LRRC4C: variants seen among roughly 807,000 people sequenced by gnomAD.
The protein encoded by LRRC4C is leucine rich repeat containing 4C.
A neutral mutation model predicts 33.6 loss-of-function variants in LRRC4C; 5 were observed. That is an observed-to-expected ratio of 0.15 (90% CI 0.08 to 0.31). The LOEUF (loss-of-function observed/expected upper bound fraction) is 0.31, where lower values mean the gene tolerates loss of function less well. LRRC4C is among the 10% of genes least tolerant of loss of function. LRRC4C has a pLI of 1.00. For synonymous variants in LRRC4C, 329 were observed against 302.0 expected, an observed-to-expected ratio of 1.09 and a Z score of -0.93; for missense variants, 560 against 796.7, an observed-to-expected ratio of 0.70 and a Z score of 3.58.
intron 2 of LRRC4C, among the ~76,000 whole-genome samples, chr11:40,901,925 T>G (rs2136194604): frequency 6.6e-6 from 1 of 151,828 alleles, no homozygotes; most frequent in East Asian, 1.9e-4. Context: ...GGTAACTCCC[T>G]GGTAAGTAAA....
intron 1 of LRRC4C, among the ~76,000 whole-genome samples, chr11:41,093,925 AC>A (rs1186812818): frequency 1.2e-5 from 1 of 85,102 alleles, no homozygotes; most frequent in Non-Finnish European, 2.4e-5. Context: ...CCCCGTCTCC[AC>A]CAAAAAAAAA....
chr11:40,124,583 T>A (rs1856065496), intron 6 of LRRC4C, among the ~76,000 whole-genome samples: 1 of 152,174 alleles, frequency 6.6e-6, no homozygotes, highest in Admixed American at 6.5e-5. Context: ...ATGTTCTCAC[T>A]TATCTGTGAG....
chr11:40,766,819 G>T (rs1279007475), intron 2 of LRRC4C, among the ~76,000 whole-genome samples: 2 of 151,016 alleles, frequency 1.3e-5, no homozygotes, highest in East Asian at 4.0e-4. Flanking sequence ...TAACACATAT[G>T]ACCAGAGAAA....
intron 5 of LRRC4C, among the ~76,000 whole-genome samples, chr11:40,162,604 G>A (rs568065619): frequency 6.6e-6 from 1 of 152,240 alleles, no homozygotes; most frequent in South Asian, 2.1e-4. Context: ...AAAGAAATCT[G>A]CAAATGTTTC....
chr11:40,690,759 A>G (rs902194861), intron 2 of LRRC4C, among the ~76,000 whole-genome samples: 25 of 152,214 alleles, frequency 1.6e-4, no homozygotes, highest in African/African-American at 5.8e-4. Flanking sequence ...TCTTTCCTCA[A>G]TGTGCATATA....
At chr11:40,542,362 A>G (rs939359793) in intron 3 of LRRC4C, among the ~76,000 whole-genome samples, 1 of 152,064 alleles carries the variant, frequency 6.6e-6, no homozygotes, top group African/African-American at 2.4e-5. Flanking sequence ...GTGTTTTGTC[A>G]ACCTCTATTC....
intron 5 of LRRC4C, among the ~76,000 whole-genome samples, chr11:40,204,150 G>A (rs1007481662): frequency 6.6e-6 from 1 of 152,066 alleles, no homozygotes; most frequent in African/African-American, 2.4e-5. Flanking sequence ...AGGCTGGTCT[G>A]GAATGCCTAA....
rs142414688 is a variant in LRRC4C at position 41,317,714 on chromosome 11, C to T, written c.-496+141717G>A. 4.1e-4 allele frequency among the ~76,000 whole-genome samples: 62 copies of T among 152,156 alleles called. 1 individual carries two copies. The highest frequency in any genetic ancestry group is 7.9e-4 in the Admixed American group (12 of 15,254). ...TGGAAGGAAGGACAAGACTAAGTAA[C>T]ATAATAGACAATGGTTTGAGGGATT... is the stretch of plus-strand genomic sequence containing the variant. On this transcript the variant is annotated intron_variant, in intron 1 of 6. Transcript: ENST00000528697.
At chr11:41,074,138 A>T (rs1938928734) in intron 1 of LRRC4C, among the ~76,000 whole-genome samples, 1 of 152,174 alleles carries the variant, frequency 6.6e-6, no homozygotes, top group Admixed American at 6.6e-5. Flanking sequence ...TCATCAGTCC[A>T]ATTTCTAAAA....
At position 40,358,327 on chromosome 11, in the gene LRRC4C, C is replaced by G. The variant is rs1345189508; in HGVS notation, c.-269-38606G>C. 5.9e-5 allele frequency among the ~76,000 whole-genome samples: 9 copies of G among 152,308 alleles called. No individual in the cohort carries two copies. The East Asian group carries it at 1.4e-3, about 23-fold the overall frequency. On this transcript the variant is annotated intron_variant, in intron 3 of 6. Coordinates refer to ENST00000528697, the MANE Select transcript of LRRC4C (RefSeq NM_001258419.2). ...TCACTCTGTCACTCTGTTGCCCAGGCTGGAGTGTAGCGGTGGGATCTTGGC... is the reference window on the plus strand; with the variant it reads ...TCACTCTGTCACTCTGTTGCCCAGGGTGGAGTGTAGCGGTGGGATCTTGGC...
chr11:40,147,346 C>T (rs1002882674), intron 5 of LRRC4C, among the ~76,000 whole-genome samples: 1 of 152,084 alleles, frequency 6.6e-6, no homozygotes, highest in African/African-American at 2.4e-5. Flanking sequence ...TATTTCAGAT[C>T]TCTTACAGGA....
chr11:40,825,348 G>C (rs1029607141), intron 2 of LRRC4C, among the ~76,000 whole-genome samples: 1 of 151,830 alleles, frequency 6.6e-6, no homozygotes, highest in Admixed American at 6.6e-5. Context: ...TCTCTTAAAG[G>C]AGACTGCCCA....
chr11:40,555,709 C>A (rs1957307941), intron 3 of LRRC4C, among the ~76,000 whole-genome samples: 1 of 152,018 alleles, frequency 6.6e-6, no homozygotes, highest in Non-Finnish European at 1.5e-5. Flanking sequence ...GAAAAAAGGA[C>A]CGTGTATATT....
intron 1 of LRRC4C, among the ~76,000 whole-genome samples, chr11:41,393,702 T>C (rs937026573): frequency 3.3e-5 from 5 of 151,942 alleles, no homozygotes; most frequent in Non-Finnish European, 7.4e-5. Flanking sequence ...AAGGGAAATA[T>C]TGAGGACTTG....
rs866389980 is a variant in LRRC4C, at chr11:40,825,944, G to A, written c.-407+107691C>T. ...TATGCTTCACATATTGTATTCTGGG[G>A]GGGGGGCGTCTCACATATATTCAAT... On this transcript the variant is annotated intron_variant, in intron 2 of 6. Coordinates refer to ENST00000528697, the MANE Select transcript of LRRC4C (RefSeq NM_001258419.2). Among the ~76,000 whole-genome samples, 5 of 50,512 alleles carry A rather than the reference G, an allele frequency of 9.9e-5. 1 individual carries two copies. The East Asian group carries it at 3.5e-3, about 35-fold the overall frequency. The allele number at this position is 50,512 out of a possible 152,430, so 33.1% of individuals were successfully genotyped here. A position where few individuals can be genotyped will look rare whatever the true frequency, so the allele number is the denominator to read the frequency against.
At chr11:40,720,733 T>TC in intron 2 of LRRC4C, among the ~76,000 whole-genome samples, 1 of 152,238 alleles carries the variant, frequency 6.6e-6, no homozygotes, top group Non-Finnish European at 1.5e-5. Flanking sequence ...TTTCTATTTT[T>TC]CCCCCCAAAG....
chr11:41,276,102 C>A (rs1423350709), intron 1 of LRRC4C, among the ~76,000 whole-genome samples: 3 of 152,160 alleles, frequency 2.0e-5, no homozygotes, highest in East Asian at 1.9e-4. Flanking sequence ...ACCAACATAA[C>A]ATTCTATCCA....
intron 1 of LRRC4C, among the ~76,000 whole-genome samples, chr11:41,431,122 A>C (rs2138420891): frequency 6.6e-6 from 1 of 152,234 alleles, no homozygotes; most frequent in African/African-American, 2.4e-5. Flanking sequence ...ATTGTACATT[A>C]ACCTGAATTT....
At chr11:41,080,744 G>T (rs1199642904) in intron 1 of LRRC4C, among the ~76,000 whole-genome samples, 7 of 152,082 alleles carry the variant, frequency 4.6e-5, no homozygotes, top group Non-Finnish European at 1.5e-5. Context: ...GAAACTACTT[G>T]ATTCTCTGAT....
Sources: allele counts gnomAD v4.1 joint callset (sites outside exome capture counted in the v4.1 genomes callset), GRCh38; gene constraint gnomAD v4.1.1; transcripts MANE v1.5; gene names NCBI Gene and HGNC (gene_info 2026-07-23, HGNC 2026-07-21).